The following TIPARP variants were observed in gnomAD, a reference collection of about 807,000 sequenced individuals.
The protein encoded by TIPARP is protein mono-ADP-ribosyltransferase TIPARP.
Under a neutral mutation model 56.5 loss-of-function variants are expected in TIPARP, and 12 were observed. The ratio of observed to expected loss-of-function variants is 0.21; its 90% CI spans 0.14 to 0.34. The LOEUF (loss-of-function observed/expected upper bound fraction) is 0.34, where lower values mean the gene tolerates loss of function less well. Among genes scored for constraint, TIPARP ranks in the 10% least tolerant of loss-of-function variants. The probability of loss-of-function intolerance (pLI) is 1.00; values close to 1 mark genes in which losing one functional copy is unlikely to be tolerated. For synonymous variants in TIPARP, 296 were observed against 265.7 expected, an observed-to-expected ratio of 1.11 and a Z score of -1.11; for missense variants, 604 against 781.6, an observed-to-expected ratio of 0.77 and a Z score of 2.71.
chr3:156,681,835 ATAGAT>A, intron 2 of TIPARP, among the ~76,000 whole-genome samples: 1 of 152,224 alleles, frequency 6.6e-6, no homozygotes, highest in South Asian at 2.1e-4. Context: ...CTTCCCAGAT[ATAGAT>A]GCTGAGGCTT....
At chr3:156,675,861 T>A (rs1484405421) in intron 1 of TIPARP, 1 of 152,204 alleles carries the variant, frequency 6.6e-6, no homozygotes, top group Non-Finnish European at 1.5e-5. Flanking sequence ...TTATGAAAAC[T>A]AATTGAGGAG....
At chr3:156,700,173 TC>T (rs1448720211) in intron 4 of TIPARP, among the ~76,000 whole-genome samples, 1 of 152,138 alleles carries the variant, frequency 6.6e-6, no homozygotes, top group African/African-American at 2.4e-5. Context: ...GGTATGATCA[TC>T]ATAGCTCACT....
chr3:156,678,611 A>C lies in TIPARP; in HGVS notation c.914A>C (p.Tyr305Ser), dbSNP rs35768405. The change falls in exon 2 of 6, where the codon TAT becomes TCT. Residue 305 changes from tyrosine to serine, a missense_variant. Tyr to Ser is a moderately radical substitution (Grantham distance 144, BLOSUM62 -2). Coordinates refer to ENST00000295924, the MANE Select transcript of TIPARP (RefSeq NM_015508.5). The stretch of plus-strand genomic sequence containing the variant: ...GAAAATGATAGAATGAGAATGAAGT[A>C]TGGGTATGTATTTATAACAACTTGT... ...NPENDRMRMK[Y>S]GGQEFWADLN... The C allele has an allele frequency of 2.5e-6, 4 of 1,609,752 alleles. No homozygotes were observed. The Admixed American group carries it at 6.7e-5, about 27-fold the overall frequency.
chr3:156,678,126 A>G lies in TIPARP; in HGVS notation c.429A>G (p.Pro143=), dbSNP rs1274304604. 1.2e-6 allele frequency: 2 copies of G among 1,614,004 alleles called. No homozygotes were observed. The highest frequency in any genetic ancestry group is 1.7e-5 in the Admixed American group (1 of 60,000). ...TTCCAATCCAAGATCACAGCTTTCC[A>G]TCAGAAACCCTCAGTGGGACGGTGG... ...RVVPIQDHSF[P]SETLSGTVAD... The change falls in exon 2 of 6, where the codon CCA becomes CCG. Residue 143 remains proline (P), a synonymous_variant. Transcript: ENST00000295924.
chr3:156,706,720 AT>A lies in TIPARP; in HGVS notation c.*1596del, dbSNP rs1035337395. ...AAAAAGAAAGCTTTATGACATATTT[AT>A]TTTTTTAATAAAACTAAGCAAAAAT... On this transcript the variant is annotated 3_prime_UTR_variant, in exon 6 of 6. Transcript: ENST00000295924. 2.0e-5 allele frequency: 3 copies of A among 152,530 alleles called. No individual in the cohort carries two copies. The highest frequency in any genetic ancestry group is 7.2e-5 in the African/African-American group (3 of 41,404). The allele number at this position is 152,530 out of a possible 1,614,324, so 9.4% of individuals were successfully genotyped here. A position where few individuals can be genotyped will look rare whatever the true frequency, so the allele number is the denominator to read the frequency against.
intron 1 of TIPARP, chr3:156,676,661 C>T (rs963166000): frequency 3.9e-5 from 6 of 152,172 alleles, no homozygotes; most frequent in African/African-American, 1.4e-4. Flanking sequence ...ATTAATTGCT[C>T]ATCACCATTC....
intron 2 of TIPARP, among the ~76,000 whole-genome samples, chr3:156,687,239 A>C (rs1722453076): frequency 6.6e-6 from 1 of 152,200 alleles, no homozygotes; most frequent in Admixed American, 6.5e-5. Flanking sequence ...ATGTGACTAA[A>C]CTTGAATAAA....
intron 1 of TIPARP, chr3:156,676,678 C>CA (rs1438313916): frequency 6.6e-6 from 1 of 152,182 alleles, no homozygotes; most frequent in Non-Finnish European, 1.5e-5. Context: ...ATTCCTTTCT[C>CA]ACCTGGCACA....
chr3:156,702,068 G>GGTGGTT (rs1356951875), intron 4 of TIPARP, among the ~76,000 whole-genome samples: 9 of 108,252 alleles, frequency 8.3e-5, no homozygotes, highest in Non-Finnish European at 1.5e-4. Flanking sequence ...TGGTGGTGGT[G>GGTGGTT]GTGGTTGTGG....
rs563677047 is a variant in TIPARP, at chr3:156,693,217, G to A, written c.918-803G>A. Reference sequence around the variant, plus strand: ...ATTATGCCAGTTATTTGAAATAATGGTTCAAATGTTTCAAACTCTAGGTGA... The same window carrying A: ...ATTATGCCAGTTATTTGAAATAATGATTCAAATGTTTCAAACTCTAGGTGA... On this transcript the variant is annotated intron_variant, in intron 2 of 5. Transcript: ENST00000295924. Among the ~76,000 whole-genome samples the A allele has an allele frequency of 7.5e-4, 114 of 152,234 alleles. 2 individuals carry two copies. The South Asian group carries it at 0.023, about 31-fold the overall frequency.
rs550714756 is a variant in TIPARP, at chr3:156,679,655, C to T, written c.917+1041C>T. ...ATGAAGGCAACCTAACAGCTTCATACTAATGAATGGCCTGGTATAGTACTG... is the reference window on the plus strand; with the variant it reads ...ATGAAGGCAACCTAACAGCTTCATATTAATGAATGGCCTGGTATAGTACTG... On this transcript the variant is annotated intron_variant, in intron 2 of 5. Coordinates refer to ENST00000295924, the MANE Select transcript of TIPARP (RefSeq NM_015508.5). Among the ~76,000 whole-genome samples the T allele has an allele frequency of 2.0e-5, 3 of 152,292 alleles. No individual in the cohort carries two copies. In the East Asian group the frequency reaches 5.8e-4, roughly 29 times the overall value.
intron 1 of TIPARP, chr3:156,675,402 G>C (rs77317949): frequency 0.017 from 2,645 of 152,472 alleles, 38 homozygotes; most frequent in Non-Finnish European, 0.026. Context: ...GTGAGCTGAG[G>C]GGGTAAAGAA....
intron 2 of TIPARP, among the ~76,000 whole-genome samples, chr3:156,691,000 C>A (rs1278899491): frequency 1.3e-5 from 2 of 152,154 alleles, no homozygotes; most frequent in Non-Finnish European, 2.9e-5. Flanking sequence ...TGGACTTAAA[C>A]GTCCACAGTT....
rs142903347 is a variant in TIPARP, at chr3:156,678,201, A to G, written c.504A>G (p.Ser168=). ...HFQTDLLHPV[S]SDVPTSPDCL... ...AGACTGATCTTTTGCACCCAGTTTC[A>G]AGTGATGTTCCTACTAGTCCTGACT... The change falls in exon 2 of 6, where the codon TCA becomes TCG. Residue 168 remains serine, a synonymous_variant. Coordinates refer to ENST00000295924, the MANE Select transcript of TIPARP (RefSeq NM_015508.5). 6 of 1,614,042 alleles carry G rather than the reference A, an allele frequency of 3.7e-6. No homozygotes were observed. In the African/African-American group the frequency reaches 8.0e-5, roughly 22 times the overall value.
In TIPARP at chr3:156,687,782, G is replaced by C. The variant is rs186027596; in HGVS notation, c.918-6238G>C. On this transcript the variant is annotated intron_variant, in intron 2 of 5. Coordinates refer to ENST00000295924, the MANE Select transcript of TIPARP (RefSeq NM_015508.5). ...TTCTAGAATGACTTTTAAGACTACA[G>C]ATGTCTAACGATTTATGAATCAGAC... 2.9e-4 allele frequency among the ~76,000 whole-genome samples: 44 copies of C among 152,262 alleles called. No homozygotes were observed. The East Asian group carries it at 7.7e-3, about 27-fold the overall frequency.
intron 4 of TIPARP, among the ~76,000 whole-genome samples, chr3:156,696,328 T>C (rs1722714335): frequency 6.6e-6 from 1 of 152,164 alleles, no homozygotes; most frequent in Non-Finnish European, 1.5e-5. Flanking sequence ...TCATGGAAGA[T>C]TTTTTCCTTC....
intron 2 of TIPARP, among the ~76,000 whole-genome samples, chr3:156,688,453 G>A (rs577685826): frequency 7.0e-6 from 1 of 142,940 alleles, no homozygotes; most frequent in East Asian, 2.1e-4. Context: ...TGCTTTGGAT[G>A]TAAGCATTTA....
At chr3:156,693,099 T>A (rs1559974490) in intron 2 of TIPARP, among the ~76,000 whole-genome samples, 1 of 152,146 alleles carries the variant, frequency 6.6e-6, no homozygotes, top group Non-Finnish European at 1.5e-5. Context: ...TGCTACAATA[T>A]CTGTGCTGTT....
chr3:156,678,948 C>T (rs1722222695), intron 2 of TIPARP, among the ~76,000 whole-genome samples: 1 of 152,170 alleles, frequency 6.6e-6, no homozygotes, highest in African/African-American at 2.4e-5. Flanking sequence ...GCGAATCTTA[C>T]TATAACATAA....
Sources: allele counts gnomAD v4.1 joint callset (sites outside exome capture counted in the v4.1 genomes callset), GRCh38; gene constraint gnomAD v4.1.1; transcripts MANE v1.5; gene names NCBI Gene and HGNC (gene_info 2026-07-23, HGNC 2026-07-21).